Variants in FLNB observed in about 807,000 individuals in gnomAD.
The protein encoded by FLNB is filamin-B.
A neutral mutation model predicts 250.6 loss-of-function variants in FLNB; 111 were observed. The observed-to-expected ratio is 0.44, with a 90% confidence interval of 0.38 to 0.52. The LOEUF is 0.52. FLNB is among the 20% of genes least tolerant of loss of function. FLNB has a pLI of 0.00. For missense variants in FLNB, 2,869 were observed against 3,447.8 expected (o/e 0.83, Z 4.20); for synonymous variants, 1,302 against 1,372.1 (o/e 0.95, Z 1.13).
At position 58,106,721 on chromosome 3, in the gene FLNB, A is replaced by G. The variant is rs1425931717; in HGVS notation, c.1789A>G (p.Asn597Asp). The G allele has an allele frequency of 6.2e-7, 1 of 1,614,074 alleles. No individual in the cohort carries two copies. The highest frequency in any genetic ancestry group is 2.2e-5 in the East Asian group (1 of 44,894). The change falls in exon 12 of 46, where the codon AAC becomes GAC. Residue 597 changes from asparagine to aspartate, a missense_variant. Transcript: ENST00000295956. ...EGPSQAKIEY[N>D]DQNDGSCDVK... Reference sequence around the variant, plus strand: ...CCCCTCTCAGGCAAAGATTGAGTACAACGACCAGAATGATGGATCGTGTGA... The same window carrying G: ...CCCCTCTCAGGCAAAGATTGAGTACGACGACCAGAATGATGGATCGTGTGA...
intron 39 of FLNB, 93 bp downstream of exon 39, chr3:58,153,734 A>G: frequency 1.4e-6 from 2 of 1,435,000 alleles, no homozygotes; most frequent in Non-Finnish European, 1.9e-6. Context: ...CATTTGAAAG[A>G]GAAGACTTCT....
chr3:58,144,914 T>C (rs1211432476), intron 32 of FLNB, among the ~76,000 whole-genome samples: 4 of 152,240 alleles, frequency 2.6e-5, no homozygotes, highest in Non-Finnish European at 5.9e-5. Flanking sequence ...AACTGAACAT[T>C]TGGATCCACG....
chr3:58,056,572 A>G (rs561801437), intron 1 of FLNB, among the ~76,000 whole-genome samples: 8 of 152,296 alleles, frequency 5.3e-5, no homozygotes, highest in South Asian at 2.1e-4. Flanking sequence ...GTTTTAAAAA[A>G]GTATTTGGCT....
intron 6 of FLNB, among the ~76,000 whole-genome samples, chr3:58,097,130 G>C (rs1468168264): frequency 6.6e-6 from 1 of 152,168 alleles, no homozygotes. Context: ...ATCCCATCAT[G>C]TACCTGCCCA....
chr3:58,150,242 CTAG>C lies in FLNB; in HGVS notation c.6367+19_6367+21del. On this transcript the variant is annotated intron_variant, in intron 38 of 45. Transcript: ENST00000295956. ...GAAAATCCCAGGTGGGCGTCGGGGA[CTAG>C]TAGGGTGGGGAAGCCTTGGCTCCAG... The C allele has an allele frequency of 6.2e-7, 1 of 1,614,094 alleles. No homozygotes were observed. The highest frequency in any genetic ancestry group is 8.5e-7 in the Non-Finnish European group (1 of 1,180,030).
chr3:58,013,714 C>T (rs1019572983), intron 1 of FLNB, among the ~76,000 whole-genome samples: 2 of 152,118 alleles, frequency 1.3e-5, no homozygotes. Context: ...ATCCCAGCTA[C>T]GTGGGAGGCT....
chr3:58,136,743 A>ATTTTTTTTTT (rs1411180386), intron 28 of FLNB, among the ~76,000 whole-genome samples: 3 of 75,194 alleles, frequency 4.0e-5, no homozygotes, highest in African/African-American at 2.4e-4. Flanking sequence ...GTCACAGGCC[A>ATTTTTTTTTT]TTCTTTTTTT....
At chr3:58,131,389 G>T in intron 25 of FLNB, among the ~76,000 whole-genome samples, 1 of 152,342 alleles carries the variant, frequency 6.6e-6, no homozygotes, top group South Asian at 2.1e-4. Context: ...GTGTGTCTTG[G>T]GGAATGGGCT....
rs117030839 is a variant in FLNB, at chr3:58,083,619, G to A, written c.787+1843G>A. Among the ~76,000 whole-genome samples, 415 of 152,056 alleles carry A rather than the reference G, an allele frequency of 2.7e-3. 11 individuals carry two copies. The East Asian group carries it at 0.058, about 21-fold the overall frequency. ...TGGCCTCAGGTGATCTGCCCGGCTC[G>A]GCCTCCCAATCCGCTTATTCTTAAG... On this transcript the variant is annotated intron_variant, in intron 4 of 45. Transcript: ENST00000295956.
chr3:58,142,835 G>A lies in FLNB; in HGVS notation c.5284+83G>A, dbSNP rs893157829. The A allele has an allele frequency of 1.6e-4, 190 of 1,217,486 alleles. 1 individual carries two copies. Among genetic ancestry groups the A allele is most frequent in the Non-Finnish European group, 2.1e-4 (177 of 827,818 alleles). The allele number at this position is 1,217,486 out of a possible 1,614,324, so 75.4% of individuals were successfully genotyped here. ...ATGGTGCTGGGGAGGTGTGTCCACT[G>A]TCCCCCAGACCCAGGCTCCTTAACC... On this transcript the variant is annotated intron_variant, in intron 31 of 45. Coordinates refer to ENST00000295956, the MANE Select transcript of FLNB (RefSeq NM_001457.4). This position sits in a 1 kb window ranked among gnomAD's most constrained non-coding sequence, Gnocchi z 4.3.
rs2097358443 is a variant in FLNB at position 58,159,639 on chromosome 3, G to A, written c.6974G>A (p.Ser2325Asn). 1 of 1,614,078 alleles carries A rather than the reference G, an allele frequency of 6.2e-7. No individual in the cohort carries two copies. The highest frequency in any genetic ancestry group is 8.5e-7 in the Non-Finnish European group (1 of 1,180,022). ...GGCAAGATTGATGCAAAGGTGCACAGCCCCTCTGGAGCCGTGGAGGAGTGC... is the reference window on the plus strand; with the variant it reads ...GGCAAGATTGATGCAAAGGTGCACAACCCCTCTGGAGCCGTGGAGGAGTGC... The part of the protein sequence containing the change: ...AKGKIDAKVH[S>N]PSGAVEECHV... The change falls in exon 42 of 46, where the codon AGC (serine) becomes AAC (asparagine). Residue 2325 changes from serine (S) to asparagine (N), a missense_variant. Physicochemically the swap from Ser to Asn is conservative, Grantham distance 46. This residue lies in a region of FLNB where 1,084 missense variants were observed against 1,315.5 expected (regional missense o/e 0.82). Coordinates refer to ENST00000295956, the MANE Select transcript of FLNB (RefSeq NM_001457.4).
intron 1 of FLNB, among the ~76,000 whole-genome samples, chr3:58,062,760 C>T (rs903798281): frequency 1.3e-5 from 2 of 152,134 alleles, no homozygotes; most frequent in African/African-American, 4.8e-5. Flanking sequence ...GGACCCAGCT[C>T]TTGTGGTCAT....
At chr3:58,032,528 C>T (rs779932569) in intron 1 of FLNB, among the ~76,000 whole-genome samples, 11 of 152,116 alleles carry the variant, frequency 7.2e-5, no homozygotes, top group Non-Finnish European at 1.6e-4. Context: ...AGATATTGCT[C>T]AAGGTACCAT....
At chr3:58,042,435 C>T (rs1468519720) in intron 1 of FLNB, among the ~76,000 whole-genome samples, 1 of 151,564 alleles carries the variant, frequency 6.6e-6, no homozygotes, top group African/African-American at 2.4e-5. Flanking sequence ...GCAGCCCCCA[C>T]CTTCCTGGGC....
intron 39 of FLNB, chr3:58,154,562 GAC>G (rs1168906548): frequency 4.9e-6 from 2 of 411,950 alleles, no homozygotes; most frequent in African/African-American, 4.2e-5. Flanking sequence ...AAAAAAAAAA[GAC>G]ATGTCTTCAG....
chr3:58,126,975 A>G (rs575128130), intron 24 of FLNB, among the ~76,000 whole-genome samples: 137 of 152,312 alleles, frequency 9.0e-4, no homozygotes, highest in African/African-American at 3.2e-3. Context: ...TTTTGACTGG[A>G]AACAGTTGTG....
At position 58,094,673 on chromosome 3, in the gene FLNB, C is replaced by T. The variant is rs74513320; in HGVS notation, c.788-163C>T. 0.068 allele frequency among the ~76,000 whole-genome samples: 10,350 copies of T among 152,234 alleles called. 439 individuals are homozygous for T. The highest frequency in any genetic ancestry group is 0.096 in the Admixed American group (1,464 of 15,292). On this transcript the variant is annotated intron_variant, in intron 4 of 45. Transcript: ENST00000295956. ...ATAACATGGGCAAAATTAAGGCTTT[C>T]GACCTGCCTGATTTTCCTTGTCAAG...
chr3:58,148,540 G>T lies in FLNB; in HGVS notation c.5888-109G>T, dbSNP rs1402935321. On this transcript the variant is annotated intron_variant, in intron 35 of 45. Transcript: ENST00000295956. The stretch of plus-strand genomic sequence containing the variant: ...TGTGCATTGTGATATCGACACTCTG[G>T]ATTGTTGGGTGTCAGGAAAGAGGAC... The T allele has an allele frequency of 2.4e-6, 3 of 1,240,414 alleles. No individual in the cohort carries two copies. The African/African-American group carries it at 4.4e-5, about 18-fold the overall frequency. The allele number at this position is 1,240,414 out of a possible 1,614,324, so 76.8% of individuals were successfully genotyped here.
Position 58,149,169 on chromosome 3 carries a change from G to A in FLNB, c.6091+317G>A, listed in dbSNP as rs531268168. ...CCACCCTTGTTCTCAGCTTCCCAGC[G>A]TCTCTCCAAGCAAAGAATGTTGGGT... On this transcript the variant is annotated intron_variant, in intron 36 of 45. Transcript: ENST00000295956. 81 of 388,752 alleles carry A rather than the reference G, an allele frequency of 2.1e-4. 1 individual carries two copies. The highest frequency in any genetic ancestry group is 1.4e-3 in the South Asian group (60 of 43,520). 24.1% of individuals were successfully genotyped at this position (388,752 alleles called of 1,614,324 possible).
Sources: gnomAD v4.1 joint callset for allele counts (sites outside exome capture counted in the v4.1 genomes callset) on GRCh38, gnomAD v4.1.1 for gene constraint, gnomAD v4.1.1 regional missense constraint, Gnocchi (gnomAD v3.1) non-coding constraint, MANE v1.5 for transcripts, NCBI Gene and HGNC (gene_info 2026-07-23, HGNC 2026-07-21) for gene names.